Variants in MYO3B observed in about 807,000 individuals in gnomAD.
MYO3B encodes myosin-IIIb.
Under a neutral mutation model 174.6 loss-of-function variants are expected in MYO3B, and 156 were observed. The observed-to-expected ratio is 0.89, with a 90% CI of 0.78 to 1.02. The LOEUF is 1.02. Among genes scored for constraint, MYO3B ranks in the 50% least tolerant of loss-of-function variants. The probability of loss-of-function intolerance (pLI) is 0.00; values close to 1 mark genes in which losing one functional copy is unlikely to be tolerated. For synonymous variants in MYO3B, 563 were observed against 569.1 expected (o/e 0.99, Z 0.15); for missense variants, 1,632 against 1,639.4 (o/e 1.00, Z 0.08).
intron 32 of MYO3B, among the ~76,000 whole-genome samples, chr2:170,553,306 A>G (rs1691051659): frequency 1.3e-5 from 2 of 152,118 alleles, no homozygotes. Flanking sequence ...AAGCAGCCAA[A>G]CTTGCAGAAC....
chr2:170,526,583 C>T (rs975869470), intron 30 of MYO3B, among the ~76,000 whole-genome samples: 1 of 152,148 alleles, frequency 6.6e-6, no homozygotes, highest in African/African-American at 2.4e-5. Flanking sequence ...CAGGAGTCAC[C>T]CTTACCAACA....
At chr2:170,407,984 A>G in intron 22 of MYO3B, 140 bp downstream of exon 22, 1 of 1,014,426 alleles carries the variant, frequency 9.9e-7, no homozygotes, top group South Asian at 1.6e-5. Context: ...TCTAAATTCA[A>G]GAAAAGGAAA....
intron 7 of MYO3B, among the ~76,000 whole-genome samples, chr2:170,290,788 C>T (rs1315838668): frequency 6.6e-6 from 1 of 151,766 alleles, no homozygotes; most frequent in East Asian, 1.9e-4. Context: ...TGGTTATTTT[C>T]ACTGATAGTA....
intron 7 of MYO3B, among the ~76,000 whole-genome samples, chr2:170,332,733 G>T (rs902380839): frequency 6.6e-6 from 1 of 152,142 alleles, no homozygotes; most frequent in Non-Finnish European, 1.5e-5. Context: ...GCCATAGAGG[G>T]TTGGTGGTGA....
intron 21 of MYO3B, 91 bp downstream of exon 21, chr2:170,405,724 A>C (rs536445563): frequency 9.8e-7 from 1 of 1,015,440 alleles, no homozygotes; most frequent in Non-Finnish European, 1.5e-6. Context: ...AATTGCTTAC[A>C]GATTTCTTTC....
intron 7 of MYO3B, among the ~76,000 whole-genome samples, chr2:170,281,038 T>G (rs1467433166): frequency 6.6e-6 from 1 of 152,224 alleles, no homozygotes; most frequent in Non-Finnish European, 1.5e-5. Flanking sequence ...TTGATAGGAA[T>G]AGCATTGATT....
chr2:170,558,981 G>A (rs1260017667), intron 32 of MYO3B, among the ~76,000 whole-genome samples: 1 of 152,170 alleles, frequency 6.6e-6, no homozygotes, highest in African/African-American at 2.4e-5. Context: ...ACAAAAATTT[G>A]GTGCTGCATG....
At chr2:170,343,668 G>T (rs1321300719) in intron 8 of MYO3B, 2 of 152,282 alleles carry the variant, frequency 1.3e-5, no homozygotes, top group Non-Finnish European at 2.9e-5. Flanking sequence ...TACAGAGAGA[G>T]AAGAGTTAAA....
intron 32 of MYO3B, among the ~76,000 whole-genome samples, chr2:170,593,016 C>T (rs1389528057): frequency 6.6e-6 from 1 of 151,872 alleles, no homozygotes; most frequent in Non-Finnish European, 1.5e-5. Flanking sequence ...TACATAGATA[C>T]ATAGATCTCT....
chr2:170,542,855 C>T, intron 30 of MYO3B, 51 bp from the exon 31 acceptor site: 1 of 1,389,168 alleles, frequency 7.2e-7, no homozygotes, highest in Non-Finnish European at 9.9e-7. Context: ...CTAAGTTTTT[C>T]TATTATTATT....
intron 27 of MYO3B, among the ~76,000 whole-genome samples, chr2:170,500,289 G>A (rs879775347): frequency 9.2e-5 from 14 of 152,306 alleles, no homozygotes; most frequent in Admixed American, 9.1e-4. Flanking sequence ...TTTAAGGGAA[G>A]ATTCAAAGGT....
At chr2:170,344,867 T>C (rs2094004960) in intron 8 of MYO3B, 1 of 152,146 alleles carries the variant, frequency 6.6e-6, no homozygotes, top group Non-Finnish European at 1.5e-5. Context: ...GGGGGATGAA[T>C]CACAACAGAG....
intron 22 of MYO3B, among the ~76,000 whole-genome samples, chr2:170,440,094 C>A (rs929948177): frequency 6.6e-6 from 1 of 152,126 alleles, no homozygotes; most frequent in African/African-American, 2.4e-5. Flanking sequence ...CTTTTCCTAA[C>A]ACTGTTTGTT....
chr2:170,537,448 ATTTTTT>A (rs559086883), intron 30 of MYO3B, among the ~76,000 whole-genome samples: 69 of 54,810 alleles, frequency 1.3e-3, no homozygotes, highest in African/African-American at 3.4e-3. Context: ...GAGCTCTTTG[ATTTTTT>A]TTTTTTTTTT....
intron 8 of MYO3B, among the ~76,000 whole-genome samples, chr2:170,365,060 A>G (rs1272624398): frequency 1.3e-5 from 2 of 152,068 alleles, no homozygotes; most frequent in Non-Finnish European, 2.9e-5. Flanking sequence ...TTCCCCCAAG[A>G]CTTACCTAGC....
At chr2:170,491,652 C>G (rs1559052549) in intron 25 of MYO3B, among the ~76,000 whole-genome samples, 2 of 152,224 alleles carry the variant, frequency 1.3e-5, no homozygotes, top group African/African-American at 2.4e-5. Flanking sequence ...GTCTCAATCT[C>G]CTGACCTCGT....
intron 19 of MYO3B, 80 bp from the exon 20 acceptor site, chr2:170,404,167 C>G: frequency 7.0e-7 from 1 of 1,424,608 alleles, no homozygotes; most frequent in Non-Finnish European, 9.5e-7. Context: ...TTGCTAGACC[C>G]AGAAAGTCCA....
chr2:170,552,008 G>C (rs920558191), intron 32 of MYO3B, among the ~76,000 whole-genome samples: 2 of 152,146 alleles, frequency 1.3e-5, no homozygotes, highest in African/African-American at 2.4e-5. Flanking sequence ...AGCCTCTCCA[G>C]TCATGCCTCC....
intron 11 of MYO3B, 71 bp downstream of exon 11, chr2:170,383,260 A>C: frequency 1.1e-6 from 1 of 904,006 alleles, no homozygotes; most frequent in South Asian, 1.5e-5. Flanking sequence ...ATGAAGAGAA[A>C]GAAAAAGTAA....
Sources: gnomAD v4.1 joint callset for allele counts (sites outside exome capture counted in the v4.1 genomes callset) on GRCh38, gnomAD v4.1.1 for gene constraint, MANE v1.5 for transcripts, NCBI Gene and HGNC (gene_info 2026-07-23, HGNC 2026-07-21) for gene names.